CCAR1: variants seen among roughly 807,000 people sequenced by gnomAD.
CCAR1 encodes cell division cycle and apoptosis regulator protein 1.
In CCAR1, 78 loss-of-function variants were observed where a neutral mutation model predicts 163.8. The ratio of observed to expected loss-of-function variants is 0.48; its 90% CI spans 0.40 to 0.57. The LOEUF is 0.57. Ranked by LOEUF, CCAR1 falls within the 20% of genes least tolerant of loss-of-function variation. The pLI, the probability that CCAR1 is intolerant of heterozygous loss-of-function variation, is 0.00. For synonymous variants in CCAR1, 443 were observed against 460.7 expected (o/e 0.96, Z 0.49); for missense variants, 1,019 against 1,365.2 (o/e 0.75, Z 4.00).
chr10:68,788,089 A>G, intron 22 of CCAR1, 42 bp downstream of exon 22: 1 of 1,529,184 alleles, frequency 6.5e-7, no homozygotes, highest in Admixed American at 2.2e-5. Flanking sequence ...TAAATATACT[A>G]GTAATTAAAG....
At chr10:68,755,258 C>A in intron 12 of CCAR1, 112 bp from the exon 13 acceptor site, 1 of 942,374 alleles carries the variant, frequency 1.1e-6, no homozygotes, top group Non-Finnish European at 1.7e-6. Flanking sequence ...TGACAGATAC[C>A]AGAGGTAGTA....
chr10:68,742,845 T>C (rs1459447158), intron 6 of CCAR1, among the ~76,000 whole-genome samples: 2 of 152,198 alleles, frequency 1.3e-5, no homozygotes, highest in African/African-American at 4.8e-5. Context: ...TTTAAACTCC[T>C]GACCTCAAGT....
At chr10:68,734,967 A>G (rs1271066670) in intron 2 of CCAR1, among the ~76,000 whole-genome samples, 2 of 152,206 alleles carry the variant, frequency 1.3e-5, no homozygotes, top group African/African-American at 2.4e-5. Context: ...CCTCTCCCCA[A>G]TTTTTTGGTC....
intron 24 of CCAR1, among the ~76,000 whole-genome samples, 173 bp from the exon 25 acceptor site, chr10:68,791,034 C>G (rs1323731692): frequency 6.6e-6 from 1 of 152,028 alleles, no homozygotes; most frequent in Non-Finnish European, 1.5e-5. Flanking sequence ...TATTCTTGGG[C>G]AGAATTGAGG....
intron 21 of CCAR1, 180 bp from the exon 22 acceptor site, chr10:68,787,747 A>T: frequency 2.0e-6 from 1 of 496,182 alleles, no homozygotes; most frequent in Non-Finnish European, 3.5e-6. Context: ...AGGTAGGAGA[A>T]TCGCTTGAAC....
intron 5 of CCAR1, among the ~76,000 whole-genome samples, chr10:68,740,883 TTTTATTTATTTATTTATTTATTTA>T (rs754473259): frequency 4.8e-5 from 7 of 144,892 alleles, no homozygotes; most frequent in African/African-American, 1.5e-4. Context: ...TGAGGTTTTA[TTTTATTTATTTATTTATTTATTTA>T]TTTATTTATT....
At chr10:68,748,477 G>C (rs2056287286) in intron 8 of CCAR1, among the ~76,000 whole-genome samples, 1 of 149,018 alleles carries the variant, frequency 6.7e-6, no homozygotes, top group African/African-American at 2.5e-5. Context: ...ATGTAATTGT[G>C]ACATGTTCTT....
At chr10:68,778,328 A>G (rs2056693302) in intron 19 of CCAR1, among the ~76,000 whole-genome samples, 1 of 152,148 alleles carries the variant, frequency 6.6e-6, no homozygotes, top group Admixed American at 6.6e-5. Context: ...GACCCCTCAC[A>G]TATGCTTCTA....
intron 10 of CCAR1, among the ~76,000 whole-genome samples, chr10:68,752,205 A>C (rs544383855): frequency 6.6e-6 from 1 of 152,224 alleles, no homozygotes; most frequent in African/African-American, 2.4e-5. Flanking sequence ...GGCGTGAGCC[A>C]CCGCACCCGG....
chr10:68,785,204 A>C (rs1589194619), intron 19 of CCAR1, among the ~76,000 whole-genome samples: 1 of 149,676 alleles, frequency 6.7e-6, no homozygotes, highest in African/African-American at 2.5e-5. Context: ...GGCGTGAGGC[A>C]CCGCACCCGG....
chr10:68,789,460 G>A (rs980936082), intron 23 of CCAR1, among the ~76,000 whole-genome samples: 2 of 151,742 alleles, frequency 1.3e-5, no homozygotes, highest in East Asian at 2.0e-4. Context: ...GTGGTGGTAC[G>A]CGCCTGTAAT....
chr10:68,761,312 A>T (rs571430770), intron 16 of CCAR1, 120 bp downstream of exon 16: 121 of 412,998 alleles, frequency 2.9e-4, no homozygotes, highest in South Asian at 9.6e-4. Context: ...TTAATTAATT[A>T]ATTTATTTAT....
At chr10:68,725,928 C>T (rs1258345607) in intron 2 of CCAR1, among the ~76,000 whole-genome samples, 5 of 151,802 alleles carry the variant, frequency 3.3e-5, no homozygotes, top group Non-Finnish European at 7.4e-5. Flanking sequence ...CCAGCCTGGG[C>T]AATATAACGA....
rs776248288 is a variant in CCAR1 at position 68,756,469 on chromosome 10, G to A, written c.1822G>A (p.Ala608Thr). The A allele has an allele frequency of 1.9e-6, 3 of 1,610,272 alleles. No individual in the cohort carries two copies. The highest frequency in any genetic ancestry group is 2.5e-6 in the Non-Finnish European group (3 of 1,178,144). ...GAAGCTTCAGGGTGAACGCAAGGAG[G>A]CTGATGGAGAACAGGCACTGAACGC... ...VEKLQGERKE[A>T]DGEQDEEEKD... The change falls in exon 14 of 25, where the codon GCT becomes ACT. Residue 608 changes from alanine to threonine, a missense_variant. This residue lies in a region of CCAR1 where 644 missense variants were observed against 904.4 expected (regional missense o/e 0.71). Transcript: ENST00000265872. The surrounding 1 kb of genome is among the most constrained non-coding windows in gnomAD (Gnocchi z 5.1).
chr10:68,738,068 G>T lies in CCAR1; in HGVS notation c.291+179G>T, dbSNP rs553447432. 1.4e-4 allele frequency among the ~76,000 whole-genome samples: 22 copies of T among 152,298 alleles called. No individual in the cohort carries two copies. In the South Asian group the frequency reaches 3.5e-3, roughly 24 times the overall value. On this transcript the variant is annotated intron_variant, in intron 4 of 24. Transcript: ENST00000265872. ...GTCTCCAAGGGTGAGGGAGATAGGAGGGTGGTCCTAACAACCCAGATCCTT... is the reference window on the plus strand; with the variant it reads ...GTCTCCAAGGGTGAGGGAGATAGGATGGTGGTCCTAACAACCCAGATCCTT...
intron 11 of CCAR1, 146 bp downstream of exon 11, chr10:68,754,223 C>T (rs1460787309): frequency 7.2e-6 from 4 of 553,262 alleles, no homozygotes; most frequent in African/African-American, 1.9e-5. Context: ...ATTTTGGTTA[C>T]ATAATTTAAT....
At chr10:68,781,983 G>C (rs998592764) in intron 19 of CCAR1, among the ~76,000 whole-genome samples, 1 of 152,158 alleles carries the variant, frequency 6.6e-6, no homozygotes, top group African/African-American at 2.4e-5. Context: ...AGTTTTTTTG[G>C]CGTCAGTTAG....
chr10:68,782,828 A>C (rs1361729689), intron 19 of CCAR1, among the ~76,000 whole-genome samples: 1 of 152,118 alleles, frequency 6.6e-6, no homozygotes, highest in Non-Finnish European at 1.5e-5. Flanking sequence ...AAATATTTTA[A>C]GCCCGCTGTT....
rs190094266 is a variant in CCAR1 at position 68,730,199 on chromosome 10, C to T, written c.74-6677C>T. On this transcript the variant is annotated intron_variant, in intron 2 of 24. Coordinates refer to ENST00000265872, the MANE Select transcript of CCAR1 (RefSeq NM_018237.4). The stretch of plus-strand genomic sequence containing the variant: ...CTTCCCTAAGTGCTGGGATTACAGG[C>T]GTGAGCTGCTGCGCCCAGCCCCTCT... Among the ~76,000 whole-genome samples the T allele has an allele frequency of 2.7e-3, 408 of 152,008 alleles. 3 individuals carry two copies. The highest frequency in any genetic ancestry group is 9.0e-3 in the African/African-American group (373 of 41,480).
Sources: allele counts gnomAD v4.1 joint callset (sites outside exome capture counted in the v4.1 genomes callset), GRCh38; gene constraint gnomAD v4.1.1; regional missense constraint gnomAD v4.1.1; non-coding constraint Gnocchi (gnomAD v3.1); transcripts MANE v1.5; gene names NCBI Gene and HGNC (gene_info 2026-07-23, HGNC 2026-07-21).